The following DCDC1 variants were observed in gnomAD, a reference collection of about 807,000 sequenced individuals.
The protein encoded by DCDC1 is doublecortin domain containing 1.
In DCDC1, 200 loss-of-function variants were observed where a neutral mutation model predicts 178.3. That is an observed-to-expected ratio of 1.12 (90% CI 1.00 to 1.26). The LOEUF (loss-of-function observed/expected upper bound fraction) is 1.26, where lower values mean the gene tolerates loss of function less well. Ranked by LOEUF, DCDC1 falls within the 50% of genes most tolerant of loss-of-function variation. The probability of loss-of-function intolerance (pLI) is 0.00; values close to 1 mark genes in which losing one functional copy is unlikely to be tolerated. For missense variants in DCDC1, 1,983 were observed against 1,749.2 expected (o/e 1.13, Z -2.38); for synonymous variants, 690 against 604.8 (o/e 1.14, Z -2.07).
At chr11:31,040,578 A>T (rs1954376504) in intron 20 of DCDC1, among the ~76,000 whole-genome samples, 1 of 152,228 alleles carries the variant, frequency 6.6e-6, no homozygotes, top group Non-Finnish European at 1.5e-5. Context: ...ACTGATAGCC[A>T]TAAAAGGTTC....
intron 9 of DCDC1, among the ~76,000 whole-genome samples, chr11:31,168,790 G>A (rs1303877265): frequency 1.1e-5 from 1 of 93,394 alleles, no homozygotes; most frequent in East Asian, 5.1e-4. Context: ...GTAAATGTGA[G>A]TGTGTGTGTG....
chr11:31,339,319 G>A (rs184972090), intron 1 of DCDC1, among the ~76,000 whole-genome samples: 8 of 152,234 alleles, frequency 5.3e-5, no homozygotes, highest in East Asian at 3.9e-4. Flanking sequence ...TTTTTACAAC[G>A]CAAGGGCACA....
At chr11:31,049,200 G>C (rs1426773479) in intron 20 of DCDC1, among the ~76,000 whole-genome samples, 1 of 152,186 alleles carries the variant, frequency 6.6e-6, no homozygotes, top group Non-Finnish European at 1.5e-5. Context: ...GATCAGGTTA[G>C]TTATATAAGC....
intron 9 of DCDC1, among the ~76,000 whole-genome samples, chr11:31,168,123 C>T (rs2136204063): frequency 6.6e-6 from 1 of 152,278 alleles, no homozygotes; most frequent in African/African-American, 2.4e-5. Flanking sequence ...TTGATGACAA[C>T]CATCAACACT....
intron 6 of DCDC1, among the ~76,000 whole-genome samples, chr11:31,301,244 C>T (rs922090559): frequency 2.6e-5 from 4 of 151,974 alleles, no homozygotes; most frequent in Non-Finnish European, 4.4e-5. Context: ...TTAAAATGTA[C>T]AAACAATCTA....
intron 20 of DCDC1, among the ~76,000 whole-genome samples, chr11:31,015,224 A>G (rs1469084018): frequency 6.6e-6 from 1 of 152,134 alleles, no homozygotes; most frequent in Admixed American, 6.5e-5. Context: ...CTGGGATTAC[A>G]GGCTTCAGCC....
chr11:31,260,845 C>T (rs1944730747), intron 8 of DCDC1, among the ~76,000 whole-genome samples: 1 of 152,162 alleles, frequency 6.6e-6, no homozygotes, highest in Non-Finnish European at 1.5e-5. Context: ...ACACTGTCTA[C>T]ATCTGTCTTC....
intron 38 of DCDC1, among the ~76,000 whole-genome samples, chr11:30,873,360 T>G (rs2025205): frequency 0.5 from 68,734 of 137,286 alleles, 17,562 homozygotes; most frequent in Non-Finnish European, 0.57. Context: ...TATATATATA[T>G]ATATAGAGAG....
chr11:30,921,224 A>T (rs3858432), intron 24 of DCDC1, among the ~76,000 whole-genome samples: 36,498 of 152,130 alleles, frequency 0.24, 4,996 homozygotes, highest in Middle Eastern at 0.36. Context: ...TTTCTAGATC[A>T]TTCTCTGGGA....
intron 13 of DCDC1, 127 bp downstream of exon 13, chr11:31,106,670 T>C: frequency 1.5e-6 from 1 of 672,000 alleles, no homozygotes; most frequent in Non-Finnish European, 2.6e-6. Context: ...AAAACACCTC[T>C]AAAATTTTAT....
intron 20 of DCDC1, among the ~76,000 whole-genome samples, chr11:30,971,684 A>G (rs1949804596): frequency 7.5e-6 from 1 of 133,380 alleles, no homozygotes; most frequent in South Asian, 2.3e-4. Context: ...ATCTTGGCTC[A>G]CCGCAAGCTC....
chr11:31,314,645 T>C (rs566979185), intron 3 of DCDC1: 1 of 152,330 alleles, frequency 6.6e-6, no homozygotes, highest in East Asian at 1.9e-4. Context: ...ATCATCTTTT[T>C]TGAGGCCAGG....
chr11:31,153,785 A>AACACACACACACACACAC (rs141063677), intron 9 of DCDC1, among the ~76,000 whole-genome samples: 4,083 of 132,550 alleles, frequency 0.031, 121 homozygotes, highest in Admixed American at 0.065. Context: ...TCAGTCTTAA[A>AACACACACACACACACAC]ACACACACAC....
chr11:30,872,895 G>C (rs1023101966), intron 38 of DCDC1, among the ~76,000 whole-genome samples: 3 of 151,574 alleles, frequency 2.0e-5, no homozygotes, highest in African/African-American at 7.3e-5. Context: ...CTCCTCCCCA[G>C]CACACAGCAT....
At chr11:31,198,802 T>G (rs1254099210) in intron 9 of DCDC1, among the ~76,000 whole-genome samples, 3 of 152,128 alleles carry the variant, frequency 2.0e-5, no homozygotes, top group Admixed American at 6.6e-5. Context: ...CTTCACACCT[T>G]AAAAGACCAT....
At chr11:31,360,316 C>T (rs1256091331) in intron 1 of DCDC1, among the ~76,000 whole-genome samples, 1 of 152,110 alleles carries the variant, frequency 6.6e-6, no homozygotes, top group Non-Finnish European at 1.5e-5. Flanking sequence ...CAAACCAACT[C>T]CTCTAAAGAA....
intron 6 of DCDC1, among the ~76,000 whole-genome samples, chr11:31,301,819 T>C (rs1282803605): frequency 6.6e-6 from 1 of 152,184 alleles, no homozygotes; most frequent in Non-Finnish European, 1.5e-5. Context: ...AATCACAAGC[T>C]GTCATAGCAA....
intron 20 of DCDC1, among the ~76,000 whole-genome samples, chr11:30,955,391 T>A (rs1948710231): frequency 6.6e-6 from 1 of 152,200 alleles, no homozygotes; most frequent in African/African-American, 2.4e-5. Flanking sequence ...CTATCCTGGC[T>A]TACTTTTGTT....
At chr11:31,141,532 A>G (rs1963829812) in intron 9 of DCDC1, among the ~76,000 whole-genome samples, 1 of 152,182 alleles carries the variant, frequency 6.6e-6, no homozygotes, top group Non-Finnish European at 1.5e-5. Context: ...TGAATCTATT[A>G]ATATAAAAAA....
Sources: allele counts gnomAD v4.1 joint callset (sites outside exome capture counted in the v4.1 genomes callset), GRCh38; gene constraint gnomAD v4.1.1; transcripts MANE v1.5; gene names NCBI Gene and HGNC (gene_info 2026-07-23, HGNC 2026-07-21).